The following HHAT variants were observed in gnomAD, a reference collection of about 807,000 sequenced individuals.
HHAT encodes the protein protein-cysteine N-palmitoyltransferase HHAT.
HHAT carries 47 observed loss-of-function variants against 70.8 expected under a neutral mutation model. The observed-to-expected ratio is 0.66, with a 90% CI of 0.53 to 0.85. The LOEUF is 0.85. Ranked by LOEUF, HHAT falls within the 40% of genes least tolerant of loss-of-function variation. HHAT has a pLI of 0.00. For synonymous variants in HHAT, 228 were observed against 247.6 expected, an observed-to-expected ratio of 0.92 and a Z score of 0.74; for missense variants, 609 against 604.8, an observed-to-expected ratio of 1.01 and a Z score of -0.07.
rs1164781743 is a variant in HHAT at position 210,624,253 on chromosome 1, A to G, written c.1390+583A>G. Among the ~76,000 whole-genome samples the G allele has an allele frequency of 2.0e-5, 3 of 152,190 alleles. No individual in the cohort carries two copies. In the East Asian group the frequency reaches 5.8e-4, roughly 29 times the overall value. On this transcript the variant is annotated intron_variant, in intron 11 of 11. Coordinates refer to ENST00000261458, the MANE Select transcript of HHAT (RefSeq NM_018194.6). ...CCTGGGGACTCTACAGAGAGTTCCC[A>G]CCAGCAAGAAGGTCTTCACCAGATG...
chr1:210,337,020 A>G (rs946693467), intron 1 of HHAT, among the ~76,000 whole-genome samples: 10 of 152,132 alleles, frequency 6.6e-5, no homozygotes, highest in African/African-American at 2.4e-4. Context: ...TGAATTAGGG[A>G]CTTATATAAT....
At chr1:210,403,010 C>T (rs2092151103) in intron 5 of HHAT, among the ~76,000 whole-genome samples, 1 of 152,186 alleles carries the variant, frequency 6.6e-6, no homozygotes, top group South Asian at 2.1e-4. Flanking sequence ...AGTAATAAAT[C>T]CTCTTCCTTC....
intron 11 of HHAT, among the ~76,000 whole-genome samples, chr1:210,642,101 T>G (rs889126680): frequency 6.6e-6 from 1 of 152,254 alleles, no homozygotes; most frequent in Admixed American, 6.5e-5. Flanking sequence ...TTTAGTTGCA[T>G]GCGTTTGCAT....
intron 3 of HHAT, chr1:210,374,024 G>A (rs887086253): frequency 3.9e-5 from 6 of 152,318 alleles, no homozygotes; most frequent in African/African-American, 1.4e-4. Context: ...CTTTGACATG[G>A]AAAACAAGAG....
chr1:210,669,819 T>G (rs1207096047), intron 11 of HHAT, among the ~76,000 whole-genome samples: 1 of 152,222 alleles, frequency 6.6e-6, no homozygotes, highest in Non-Finnish European at 1.5e-5. Flanking sequence ...AATAGCATAC[T>G]GCCCACCAGG....
intron 10 of HHAT, among the ~76,000 whole-genome samples, chr1:210,616,924 G>T (rs1007718435): frequency 6.6e-6 from 1 of 152,214 alleles, no homozygotes; most frequent in African/African-American, 2.4e-5. Flanking sequence ...GATTGATATT[G>T]TCTAGCCCAT....
intron 3 of HHAT, among the ~76,000 whole-genome samples, chr1:210,372,279 A>G: frequency 6.6e-6 from 1 of 152,186 alleles, no homozygotes; most frequent in East Asian, 1.9e-4. Flanking sequence ...TAGCCTTGGA[A>G]TGATCAGAGA....
chr1:210,496,825 G>A (rs746198210), intron 8 of HHAT, among the ~76,000 whole-genome samples: 5 of 152,108 alleles, frequency 3.3e-5, no homozygotes, highest in Non-Finnish European at 5.9e-5. Context: ...GGGCTATGGG[G>A]GACTGTTTGT....
At chr1:210,487,388 T>G (rs1359578492) in intron 8 of HHAT, among the ~76,000 whole-genome samples, 2 of 152,180 alleles carry the variant, frequency 1.3e-5, no homozygotes, top group African/African-American at 2.4e-5. Flanking sequence ...CTACTTGAGC[T>G]TCTCCGTGGA....
At chr1:210,587,500 G>A (rs1193182655) in intron 9 of HHAT, among the ~76,000 whole-genome samples, 2 of 152,278 alleles carry the variant, frequency 1.3e-5, no homozygotes, top group East Asian at 3.9e-4. Context: ...TTTGGGTGGG[G>A]TCACAGCCAA....
chr1:210,336,287 A>ATTTT lies in HHAT; in HGVS notation c.-44+7203_-44+7206dup, dbSNP rs541795412. 1.0e-3 allele frequency among the ~76,000 whole-genome samples: 88 copies of ATTTT among 84,602 alleles called. 6 individuals are homozygous for ATTTT. Among genetic ancestry groups the ATTTT allele is most frequent in the Admixed American group, 1.4e-3 (11 of 7,720 alleles). 55.5% of individuals were successfully genotyped at this position (84,602 alleles called of 152,430 possible). ...AGGCATGCACCACTGTGCCTGGCTA[A>ATTTT]TTTTTTTTTTTTTTTTTTTTTTTAG... On this transcript the variant is annotated intron_variant, in intron 1 of 11. Transcript: ENST00000261458.
chr1:210,517,502 A>T (rs1281719540), intron 9 of HHAT, among the ~76,000 whole-genome samples: 3 of 152,160 alleles, frequency 2.0e-5, no homozygotes, highest in Non-Finnish European at 2.9e-5. Flanking sequence ...TGTGGAATTT[A>T]AAAAAATTGA....
chr1:210,428,473 A>G (rs1435704473), intron 7 of HHAT, among the ~76,000 whole-genome samples: 2 of 151,046 alleles, frequency 1.3e-5, no homozygotes, highest in Non-Finnish European at 2.9e-5. Flanking sequence ...TGCTTTGGCC[A>G]AGCTGGTATC....
chr1:210,641,409 T>C (rs1486789426), intron 11 of HHAT, among the ~76,000 whole-genome samples: 1 of 152,218 alleles, frequency 6.6e-6, no homozygotes, highest in Non-Finnish European at 1.5e-5. Context: ...AATACCCTGT[T>C]ATCTATTAGG....
At chr1:210,590,947 GTA>G (rs1661562956) in intron 10 of HHAT, among the ~76,000 whole-genome samples, 2 of 152,040 alleles carry the variant, frequency 1.3e-5, no homozygotes, top group African/African-American at 2.4e-5. Context: ...TGGGTACATA[GTA>G]GTTGTTTGTA....
intron 11 of HHAT, among the ~76,000 whole-genome samples, chr1:210,670,497 G>A (rs1679851991): frequency 6.6e-6 from 1 of 152,188 alleles, no homozygotes; most frequent in African/African-American, 2.4e-5. Context: ...AGGGAGGATG[G>A]GTCCATCTGG....
At chr1:210,404,325 T>G in intron 5 of HHAT, 139 bp from the exon 6 acceptor site, 1 of 637,574 alleles carries the variant, frequency 1.6e-6, no homozygotes, top group Non-Finnish European at 2.8e-6. Context: ...ACAGCTGCTC[T>G]GCCTGAAGAA....
chr1:210,462,365 G>A (rs2093997070), intron 7 of HHAT: 1 of 152,194 alleles, frequency 6.6e-6, no homozygotes, highest in Admixed American at 6.5e-5. Context: ...GCCATCTCTA[G>A]TTGTGGAATT....
intron 8 of HHAT, among the ~76,000 whole-genome samples, chr1:210,470,063 T>C (rs1208802661): frequency 6.6e-6 from 1 of 152,188 alleles, no homozygotes; most frequent in Non-Finnish European, 1.5e-5. Context: ...CAGACTGGTC[T>C]TGAACTCCTG....
Sources: allele counts gnomAD v4.1 joint callset (sites outside exome capture counted in the v4.1 genomes callset), GRCh38; gene constraint gnomAD v4.1.1; transcripts MANE v1.5; gene names NCBI Gene and HGNC (gene_info 2026-07-23, HGNC 2026-07-21).